The following RRBP1 variants were observed in gnomAD, a reference collection of about 807,000 sequenced individuals.
The protein encoded by RRBP1 is ribosome-binding protein 1.
A neutral mutation model predicts 165.2 loss-of-function variants in RRBP1; 94 were observed. That is an observed-to-expected ratio of 0.57 (90% CI 0.48 to 0.68). The LOEUF (loss-of-function observed/expected upper bound fraction) is 0.68. Ranked by LOEUF, RRBP1 falls within the 30% of genes least tolerant of loss-of-function variation. The pLI, the probability that RRBP1 is intolerant of heterozygous loss-of-function variation, is 0.00. For synonymous variants in RRBP1, 680 were observed against 714.5 expected, an observed-to-expected ratio of 0.95 and a Z score of 0.77; for missense variants, 1,676 against 1,763.0, an observed-to-expected ratio of 0.95 and a Z score of 0.88.
chr20:17,677,545 G>A (rs537225956), intron 2 of RRBP1, among the ~76,000 whole-genome samples: 1 of 152,134 alleles, frequency 6.6e-6, no homozygotes, highest in African/African-American at 2.4e-5. Context: ...TGATCCTTTC[G>A]AAGTTATATG....
At chr20:17,676,045 A>G (rs2037075660) in intron 2 of RRBP1, among the ~76,000 whole-genome samples, 1 of 152,256 alleles carries the variant, frequency 6.6e-6, no homozygotes, top group African/African-American at 2.4e-5. Context: ...CCATTTCTAC[A>G]AAAAAACCTA....
intron 8 of RRBP1, among the ~76,000 whole-genome samples, chr20:17,632,706 C>T (rs1413127448): frequency 1.3e-5 from 2 of 152,180 alleles, no homozygotes; most frequent in Non-Finnish European, 2.9e-5. Flanking sequence ...GTGGGCATGA[C>T]ATCAAGGTGC....
At chr20:17,622,364 T>C (rs990932445) in intron 13 of RRBP1, among the ~76,000 whole-genome samples, 2 of 152,084 alleles carry the variant, frequency 1.3e-5, no homozygotes, top group African/African-American at 4.8e-5. Context: ...AGGACACTCA[T>C]GGCCCCCAAT....
At chr20:17,631,270 C>G (rs1447850435) in intron 8 of RRBP1, among the ~76,000 whole-genome samples, 1 of 152,244 alleles carries the variant, frequency 6.6e-6, no homozygotes, top group African/African-American at 2.4e-5. Context: ...ATACATAGGG[C>G]AGGGTCATTA....
intron 2 of RRBP1, among the ~76,000 whole-genome samples, chr20:17,666,790 A>T (rs1211060530): frequency 6.6e-6 from 1 of 152,244 alleles, no homozygotes; most frequent in Non-Finnish European, 1.5e-5. Flanking sequence ...TTCTGGCAGA[A>T]ATCTTTCCTC....
At chr20:17,679,625 C>A (rs1253360543) in intron 2 of RRBP1, among the ~76,000 whole-genome samples, 2 of 152,238 alleles carry the variant, frequency 1.3e-5, no homozygotes, top group African/African-American at 4.8e-5. Flanking sequence ...CACTGGCATT[C>A]AACCATTTAA....
chr20:17,660,805 G>A (rs764783201), intron 2 of RRBP1, among the ~76,000 whole-genome samples: 2 of 152,140 alleles, frequency 1.3e-5, no homozygotes, highest in Non-Finnish European at 2.9e-5. Flanking sequence ...ACACGCCCAG[G>A]AGCCTCAGCA....
intron 3 of RRBP1, among the ~76,000 whole-genome samples, chr20:17,648,129 G>C (rs538775340): frequency 6.6e-6 from 1 of 152,292 alleles, no homozygotes; most frequent in South Asian, 2.1e-4. Flanking sequence ...CTCTCAACCT[G>C]AGGAGCCGGC....
At chr20:17,667,240 T>C (rs966067954) in intron 2 of RRBP1, among the ~76,000 whole-genome samples, 1 of 152,236 alleles carries the variant, frequency 6.6e-6, no homozygotes, top group Non-Finnish European at 1.5e-5. Flanking sequence ...ATTAGTGTTC[T>C]GAGATCTTTT....
chr20:17,619,387 G>A (rs1347846057), intron 19 of RRBP1: 3 of 409,334 alleles, frequency 7.3e-6, no homozygotes, highest in South Asian at 8.2e-5. Context: ...CGCCTCCCTC[G>A]GGGCAGGGCT....
chr20:17,642,870 G>C (rs950463589), intron 4 of RRBP1, 109 bp downstream of exon 4: 2 of 1,222,300 alleles, frequency 1.6e-6, no homozygotes, highest in Admixed American at 4.4e-5. Context: ...CCAGGAAAGA[G>C]AAGTGGAGGC....
rs774349958 is a variant in RRBP1, at chr20:17,618,686, G to T, written c.3676-7C>A. The T allele has an allele frequency of 6.2e-7, 1 of 1,609,460 alleles. No individual in the cohort carries two copies. The highest frequency in any genetic ancestry group is 1.7e-5 in the Admixed American group (1 of 60,018). ...CTAGGAGAAGTTGCCTCAGCTTGGG[G>T]AGAAAACAGAGGCGGGTGATGGGAA... On this transcript the variant is annotated splice_region_variant and splice_polypyrimidine_tract_variant and intron_variant, in intron 19 of 24. Transcript: ENST00000377813.
At chr20:17,644,661 G>A (rs1217155779) in intron 3 of RRBP1, among the ~76,000 whole-genome samples, 1 of 152,206 alleles carries the variant, frequency 6.6e-6, no homozygotes, top group Non-Finnish European at 1.5e-5. Context: ...TCCTGACTCA[G>A]AAAAGCGTCC....
intron 3 of RRBP1, among the ~76,000 whole-genome samples, chr20:17,649,382 G>C (rs2036517970): frequency 6.6e-6 from 1 of 152,210 alleles, no homozygotes; most frequent in African/African-American, 2.4e-5. Context: ...TGGGAAGTCT[G>C]AGCTTTGCTT....
rs76241288 is a variant in RRBP1, at chr20:17,649,756, C to T, written c.1913-6629G>A. Reference sequence around the variant, plus strand: ...CCCAGCCCCATTAGATTGCAGAACACGACTTGGGATTTTAGGTTACATTTC... The same window carrying T: ...CCCAGCCCCATTAGATTGCAGAACATGACTTGGGATTTTAGGTTACATTTC... On this transcript the variant is annotated intron_variant, in intron 3 of 24. Transcript: ENST00000377813. Among the ~76,000 whole-genome samples the T allele has an allele frequency of 9.7e-3, 1,481 of 152,156 alleles. 28 individuals carry two copies. The highest frequency in any genetic ancestry group is 0.033 in the African/African-American group (1,366 of 41,502).
At chr20:17,635,731 G>T in intron 6 of RRBP1, 67 bp from the exon 7 acceptor site, 1 of 1,214,936 alleles carries the variant, frequency 8.2e-7, no homozygotes, top group South Asian at 1.2e-5. Context: ...CTTCTGAGCA[G>T]TGGTTAGTGA....
rs1308611183 is a variant in RRBP1, at chr20:17,641,791, C to CTG, written c.2184+4_2184+5dup. The CTG allele has an allele frequency of 1.9e-6, 3 of 1,612,590 alleles. No homozygotes were observed. In the African/African-American group the frequency reaches 4.0e-5, roughly 21 times the overall value. On this transcript the variant is annotated splice_donor_region_variant and intron_variant, in intron 5 of 24. Transcript: ENST00000377813. ...CAAACCATCTCCGAGCCCACTCAGG[C>CTG]TGTACCTTGTTGAGCTCCCTCAGTT...
chr20:17,640,554 T>G (rs549768274), intron 5 of RRBP1, among the ~76,000 whole-genome samples: 327 of 152,276 alleles, frequency 2.1e-3, no homozygotes, highest in Non-Finnish European at 3.4e-3. Flanking sequence ...CAGGACCTCT[T>G]CCGGCTTAGG....
chr20:17,662,100 A>G (rs1048232777), intron 2 of RRBP1, among the ~76,000 whole-genome samples: 11 of 152,096 alleles, frequency 7.2e-5, no homozygotes, highest in African/African-American at 2.4e-4. Flanking sequence ...GACTCTACTA[A>G]AAATACAAAA....
Sources: allele counts gnomAD v4.1 joint callset (sites outside exome capture counted in the v4.1 genomes callset), GRCh38; gene constraint gnomAD v4.1.1; transcripts MANE v1.5; gene names NCBI Gene and HGNC (gene_info 2026-07-23, HGNC 2026-07-21).